Variants in MACROD2 observed in about 807,000 individuals in gnomAD.
The protein encoded by MACROD2 is ADP-ribose glycohydrolase MACROD2.
Under a neutral mutation model 70.4 loss-of-function variants are expected in MACROD2, and 36 were observed. The observed-to-expected ratio is 0.51, with a 90% CI of 0.39 to 0.68. MACROD2 has a LOEUF of 0.68. Among genes scored for constraint, MACROD2 ranks in the 30% least tolerant of loss-of-function variants. The pLI, the probability that MACROD2 is intolerant of heterozygous loss-of-function variation, is 0.00. For synonymous variants in MACROD2, 172 were observed against 178.8 expected (o/e 0.96, Z 0.30); for missense variants, 496 against 538.4 (o/e 0.92, Z 0.78).
intron 8 of MACROD2, among the ~76,000 whole-genome samples, chr20:15,674,433 G>T (rs2050026767): frequency 6.6e-6 from 1 of 152,062 alleles, no homozygotes; most frequent in Admixed American, 6.6e-5. Flanking sequence ...TTTTATGAAA[G>T]AATCTGTGAA....
intron 6 of MACROD2, among the ~76,000 whole-genome samples, chr20:15,269,110 T>G (rs1444468102): frequency 6.6e-6 from 1 of 152,244 alleles, no homozygotes; most frequent in Non-Finnish European, 1.5e-5. Context: ...TTATATATTG[T>G]TAAATGATTT....
intron 5 of MACROD2, among the ~76,000 whole-genome samples, chr20:15,109,137 C>A (rs997562874): frequency 6.6e-6 from 1 of 152,132 alleles, no homozygotes; most frequent in African/African-American, 2.4e-5. Flanking sequence ...ATGACAGAGA[C>A]CATCTGGTTC....
chr20:15,075,667 G>T (rs531343513), intron 5 of MACROD2, among the ~76,000 whole-genome samples: 1 of 152,198 alleles, frequency 6.6e-6, no homozygotes, highest in East Asian at 1.9e-4. Context: ...TTTCCCAGTT[G>T]CCCTGAGTAA....
At chr20:15,970,921 C>T (rs905075924) in intron 13 of MACROD2, among the ~76,000 whole-genome samples, 1 of 152,114 alleles carries the variant, frequency 6.6e-6, no homozygotes, top group Non-Finnish European at 1.5e-5. Context: ...CTCCTCATGT[C>T]CTCCCCAGTA....
chr20:15,035,497 T>C (rs1245793275), intron 5 of MACROD2, among the ~76,000 whole-genome samples: 1 of 152,196 alleles, frequency 6.6e-6, no homozygotes. Context: ...ACTTCTTTAT[T>C]TTCTTTAAGT....
At chr20:14,091,114 GTTCT>G (rs2054142761) in intron 3 of MACROD2, among the ~76,000 whole-genome samples, 1 of 152,008 alleles carries the variant, frequency 6.6e-6, no homozygotes, top group Non-Finnish European at 1.5e-5. Flanking sequence ...TTGCTGTTGA[GTTCT>G]TTAAGTTCTT....
chr20:14,128,148 G>T, intron 3 of MACROD2: 1 of 473,692 alleles, frequency 2.1e-6, no homozygotes, highest in South Asian at 1.8e-5. Context: ...TCCTAATGGA[G>T]ACAATTACTT....
chr20:15,943,285 T>G (rs1419404695), intron 12 of MACROD2, among the ~76,000 whole-genome samples: 1 of 152,208 alleles, frequency 6.6e-6, no homozygotes, highest in Non-Finnish European at 1.5e-5. Context: ...GTTTCTGTTC[T>G]TTGCCTGAAC....
At chr20:15,318,020 A>T (rs1194626889) in intron 6 of MACROD2, among the ~76,000 whole-genome samples, 1 of 152,140 alleles carries the variant, frequency 6.6e-6, no homozygotes, top group East Asian at 1.9e-4. Flanking sequence ...AAAATTGTCA[A>T]ATCTTTAGCA....
At chr20:15,467,650 G>T (rs550509129) in intron 7 of MACROD2, among the ~76,000 whole-genome samples, 2 of 152,106 alleles carry the variant, frequency 1.3e-5, no homozygotes, top group African/African-American at 4.8e-5. Context: ...TCTTAGGAAG[G>T]TGCAGCCATG....
intron 8 of MACROD2, among the ~76,000 whole-genome samples, chr20:15,681,606 T>A (rs980861312): frequency 3.3e-5 from 5 of 152,260 alleles, no homozygotes; most frequent in Non-Finnish European, 7.3e-5. Flanking sequence ...GTGCTCATTT[T>A]CATATTGGAC....
At chr20:15,877,365 G>A (rs1037217049) in intron 9 of MACROD2, among the ~76,000 whole-genome samples, 3 of 152,082 alleles carry the variant, frequency 2.0e-5, no homozygotes, top group Admixed American at 6.6e-5. Context: ...AGCATCAGGC[G>A]GTGCCTTTTA....
intron 7 of MACROD2, among the ~76,000 whole-genome samples, chr20:15,461,006 A>ATATATATATATATTTTTTTTT: frequency 2.4e-4 from 16 of 67,012 alleles, no homozygotes; most frequent in East Asian, 6.1e-4. Context: ...ATATATATAT[A>ATATATATATATATTTTTTTTT]TTTTTTTTTA....
chr20:14,152,940 C>A (rs1325083813), intron 3 of MACROD2, among the ~76,000 whole-genome samples: 3 of 152,046 alleles, frequency 2.0e-5, no homozygotes, highest in Non-Finnish European at 4.4e-5. Flanking sequence ...GTGTTGACAA[C>A]CTTTTAATGT....
chr20:14,993,238 G>A (rs2074920732), intron 5 of MACROD2, among the ~76,000 whole-genome samples: 1 of 151,472 alleles, frequency 6.6e-6, no homozygotes, highest in African/African-American at 2.4e-5. Flanking sequence ...CAGATTACAT[G>A]CAACCAGATG....
At chr20:15,416,620 A>T (rs1228655996) in intron 6 of MACROD2, among the ~76,000 whole-genome samples, 1 of 152,170 alleles carries the variant, frequency 6.6e-6, no homozygotes. Context: ...AAGTGGCTGT[A>T]TTGGCTGGGC....
intron 5 of MACROD2, among the ~76,000 whole-genome samples, chr20:15,113,232 C>G (rs774310398): frequency 6.6e-6 from 1 of 152,140 alleles, no homozygotes; most frequent in Non-Finnish European, 1.5e-5. Context: ...TTTTACATTT[C>G]TGTGCTTTTT....
intron 8 of MACROD2, among the ~76,000 whole-genome samples, chr20:15,562,207 G>A (rs981270975): frequency 6.6e-6 from 1 of 151,858 alleles, no homozygotes. Context: ...CTTAGTTTTT[G>A]GTATATTTCT....
intron 3 of MACROD2, among the ~76,000 whole-genome samples, chr20:14,125,260 A>G (rs2054634141): frequency 6.6e-6 from 1 of 152,192 alleles, no homozygotes; most frequent in African/African-American, 2.4e-5. Flanking sequence ...TGTTCTACAT[A>G]CAACTAGATT....
Sources: allele counts gnomAD v4.1 joint callset (sites outside exome capture counted in the v4.1 genomes callset), GRCh38; gene constraint gnomAD v4.1.1; transcripts MANE v1.5; gene names NCBI Gene and HGNC (gene_info 2026-07-23, HGNC 2026-07-21).